Variants in ANTXR2 observed in about 807,000 individuals in gnomAD.
ANTXR2 encodes ANTXR cell adhesion molecule 2.
Under a neutral mutation model 73.7 loss-of-function variants are expected in ANTXR2, and 44 were observed. The observed-to-expected ratio is 0.60, with a 90% CI of 0.47 to 0.77. The LOEUF is 0.77. ANTXR2 is among the 30% of genes least tolerant of loss of function. ANTXR2 has a pLI of 0.00. For synonymous variants in ANTXR2, 217 were observed against 205.9 expected (o/e 1.05, Z -0.46); for missense variants, 604 against 592.5 (o/e 1.02, Z -0.20).
chr4:79,912,943 T>C (rs1258574196), intron 16 of ANTXR2, among the ~76,000 whole-genome samples: 4 of 152,202 alleles, frequency 2.6e-5, no homozygotes, highest in Admixed American at 6.5e-5. Context: ...CTGCAGGTAA[T>C]GGGATAGCAC....
rs568886677 is a variant in ANTXR2, at chr4:80,024,267, T to C, written c.867-5291A>G. 2.0e-4 allele frequency among the ~76,000 whole-genome samples: 31 copies of C among 152,304 alleles called. No homozygotes were observed. The South Asian group carries it at 2.9e-3, about 14-fold the overall frequency. On this transcript the variant is annotated intron_variant, in intron 10 of 16. Transcript: ENST00000403729. Reference sequence around the variant, plus strand: ...AGGAGCAAGTTTGAACAGAAGGATGTGAGTTTAATTTGGGACCTCCAAGTT... The same window carrying C: ...AGGAGCAAGTTTGAACAGAAGGATGCGAGTTTAATTTGGGACCTCCAAGTT...
intron 16 of ANTXR2, among the ~76,000 whole-genome samples, chr4:79,933,093 G>A (rs903116095): frequency 2.6e-5 from 4 of 152,128 alleles, no homozygotes; most frequent in African/African-American, 9.7e-5. Context: ...TTCCCACGGT[G>A]AAAAACTATT....
chr4:79,927,395 T>A (rs1193538313), intron 16 of ANTXR2, among the ~76,000 whole-genome samples: 3 of 152,076 alleles, frequency 2.0e-5, no homozygotes, highest in African/African-American at 4.8e-5. Context: ...TATGTACAGT[T>A]GTTCCCCAGT....
At chr4:80,008,734 G>T (rs1042327345) in intron 11 of ANTXR2, 118 bp from the exon 12 acceptor site, 3 of 534,300 alleles carry the variant, frequency 5.6e-6, no homozygotes, top group South Asian at 3.1e-5. Flanking sequence ...TGTCAAACTA[G>T]ATTTTAACTA....
At chr4:80,027,232 A>C (rs1418840143) in intron 10 of ANTXR2, among the ~76,000 whole-genome samples, 1 of 152,182 alleles carries the variant, frequency 6.6e-6, no homozygotes, top group Non-Finnish European at 1.5e-5. Flanking sequence ...ACATACACAC[A>C]CATACAGATA....
At chr4:80,001,873 C>A (rs1161163025) in intron 12 of ANTXR2, among the ~76,000 whole-genome samples, 1 of 151,026 alleles carries the variant, frequency 6.6e-6, no homozygotes. Flanking sequence ...GATTGCAACC[C>A]CTGCCTTTTT....
At chr4:80,014,036 T>C (rs1054582751) in intron 11 of ANTXR2, among the ~76,000 whole-genome samples, 2 of 152,140 alleles carry the variant, frequency 1.3e-5, no homozygotes, top group Non-Finnish European at 2.9e-5. Context: ...CACCTTGGCC[T>C]CTCCCAGGCA....
chr4:80,068,165 A>G (rs1246798671), intron 3 of ANTXR2, among the ~76,000 whole-genome samples: 1 of 152,186 alleles, frequency 6.6e-6, no homozygotes, highest in Non-Finnish European at 1.5e-5. Context: ...AATTATAAAT[A>G]AGTTCTCTCC....
intron 16 of ANTXR2, among the ~76,000 whole-genome samples, chr4:79,961,628 C>T (rs535285998): frequency 4.6e-5 from 7 of 151,848 alleles, no homozygotes; most frequent in Non-Finnish European, 8.8e-5. Flanking sequence ...TTTGTAGAGA[C>T]GGGGTCTCCC....
intron 16 of ANTXR2, among the ~76,000 whole-genome samples, chr4:79,937,378 C>T (rs991063313): frequency 1.3e-5 from 2 of 152,144 alleles, no homozygotes; most frequent in Non-Finnish European, 2.9e-5. Flanking sequence ...GCTAGTTTGG[C>T]TGGTTTCTGA....
chr4:80,024,934 T>C (rs1036672156), intron 10 of ANTXR2, among the ~76,000 whole-genome samples: 4 of 152,218 alleles, frequency 2.6e-5, no homozygotes, highest in African/African-American at 9.6e-5. Context: ...TAAGGGAAGA[T>C]AATGCTGGGA....
At chr4:79,989,916 T>C (rs1009695065) in intron 12 of ANTXR2, among the ~76,000 whole-genome samples, 6 of 151,886 alleles carry the variant, frequency 4.0e-5, no homozygotes, top group East Asian at 1.9e-4. Context: ...GAAAAAACTT[T>C]CAATAAAATT....
intron 16 of ANTXR2, 158 bp downstream of exon 16, chr4:79,977,463 A>G: frequency 7.2e-7 from 1 of 1,383,656 alleles, no homozygotes; most frequent in Non-Finnish European, 9.4e-7. Context: ...ACAATAGGTA[A>G]TTTATAGACA....
chr4:79,990,079 G>A (rs1730391653), intron 12 of ANTXR2, among the ~76,000 whole-genome samples: 1 of 151,950 alleles, frequency 6.6e-6, no homozygotes, highest in South Asian at 2.1e-4. Context: ...ATAAGACAAG[G>A]ATGCCCACTC....
rs1734466009 is a variant in ANTXR2, at chr4:80,065,721, C to T, written c.296+3715G>A. Among the ~76,000 whole-genome samples the T allele has an allele frequency of 2.6e-5, 4 of 152,286 alleles. No individual in the cohort carries two copies. The South Asian group carries it at 8.3e-4, about 32-fold the overall frequency. On this transcript the variant is annotated intron_variant, in intron 3 of 16. Transcript: ENST00000403729. ...ACAGCCCTACGGTAAGTATTTACTA[C>T]CTTCTAATCTTGCCTCATCTCTACT...
At chr4:79,915,423 T>G (rs900832015) in intron 16 of ANTXR2, among the ~76,000 whole-genome samples, 4 of 152,180 alleles carry the variant, frequency 2.6e-5, no homozygotes, top group Non-Finnish European at 5.9e-5. Context: ...TTACTAGCTA[T>G]CTGCACAGGA....
At chr4:79,926,844 T>C (rs934418942) in intron 16 of ANTXR2, among the ~76,000 whole-genome samples, 1 of 151,702 alleles carries the variant, frequency 6.6e-6, no homozygotes, top group African/African-American at 2.4e-5. Context: ...CATCAGCAGA[T>C]AAATGGATAA....
intron 14 of ANTXR2, among the ~76,000 whole-genome samples, chr4:79,978,581 C>T (rs889735355): frequency 1.3e-5 from 2 of 152,088 alleles, no homozygotes; most frequent in African/African-American, 2.4e-5. Flanking sequence ...ATGAAAATGA[C>T]GATAGTTAGC....
rs1336883118 is a variant in ANTXR2, at chr4:79,926,895, A to ATATACACATGTGTGCATATATGTG, written c.1429-19452_1429-19429dup. On this transcript the variant is annotated intron_variant, in intron 16 of 16. Transcript: ENST00000403729. ...TATATGTGTGTATATATATGTGTGT[A>ATATACACATGTGTGCATATATGTG]TATACACATGTGTGCATATATGTGT... 1.3e-3 allele frequency among the ~76,000 whole-genome samples: 200 copies of ATATACACATGTGTGCATATATGTG among 152,110 alleles called. 5 individuals are homozygous for ATATACACATGTGTGCATATATGTG. In the South Asian group the frequency reaches 0.023, roughly 17 times the overall value.
Sources: gnomAD v4.1 joint callset for allele counts (sites outside exome capture counted in the v4.1 genomes callset) on GRCh38, gnomAD v4.1.1 for gene constraint, MANE v1.5 for transcripts, NCBI Gene and HGNC (gene_info 2026-07-23, HGNC 2026-07-21) for gene names.